Variants in PRKCB observed in about 807,000 individuals in gnomAD.
PRKCB encodes the protein protein kinase C beta, also known as protein kinase C beta type.
PRKCB carries 13 observed loss-of-function variants against 81.5 expected under a neutral mutation model. That is an observed-to-expected ratio of 0.16 (90% CI 0.10 to 0.25). PRKCB has a LOEUF of 0.25. Ranked by LOEUF, PRKCB falls within the 10% of genes least tolerant of loss-of-function variation. The pLI is 1.00. For missense variants in PRKCB, 509 were observed against 875.7 expected (o/e 0.58, Z 5.29); for synonymous variants, 335 against 321.4 (o/e 1.04, Z -0.45).
intron 8 of PRKCB, among the ~76,000 whole-genome samples, chr16:24,116,574 A>G (rs1966740038): frequency 6.6e-6 from 1 of 152,170 alleles, no homozygotes; most frequent in Non-Finnish European, 1.5e-5. Context: ...CTTATCAGTC[A>G]TTCTCCAGTG....
chr16:24,026,764 T>C (rs1202613914), intron 3 of PRKCB, among the ~76,000 whole-genome samples: 1 of 152,178 alleles, frequency 6.6e-6, no homozygotes, highest in Non-Finnish European at 1.5e-5. Context: ...GGCAATACTA[T>C]AAGACTTGGA....
intron 8 of PRKCB, among the ~76,000 whole-genome samples, chr16:24,123,029 A>C (rs1220319847): frequency 6.6e-6 from 1 of 152,234 alleles, no homozygotes; most frequent in Non-Finnish European, 1.5e-5. Flanking sequence ...GGAGAATGAG[A>C]AATATTCCGT....
At position 24,019,675 on chromosome 16, in the gene PRKCB, G is replaced by C. The variant is rs118079272; in HGVS notation, c.289-12461G>C. Reference sequence around the variant, plus strand: ...GACACTTCGGGGGCTGAGGCAGGAGGATTGTTTGAACCTGGGAGGTTGAGG... The same window carrying C: ...GACACTTCGGGGGCTGAGGCAGGAGCATTGTTTGAACCTGGGAGGTTGAGG... On this transcript the variant is annotated intron_variant, in intron 3 of 16. Transcript: ENST00000643927. 5.7e-3 allele frequency among the ~76,000 whole-genome samples: 871 copies of C among 152,006 alleles called. 2 individuals are homozygous for C. Among genetic ancestry groups the C allele is most frequent in the Non-Finnish European group, 8.5e-3 (580 of 67,984 alleles).
intron 10 of PRKCB, 48 bp from the exon 11 acceptor site, chr16:24,172,222 C>A (rs776209627): frequency 1.1e-5 from 15 of 1,424,486 alleles, no homozygotes; most frequent in Non-Finnish European, 1.5e-5. Flanking sequence ...CATTTGGAGC[C>A]CCAGAAGCTA....
chr16:24,017,527 C>T (rs1184667973), intron 3 of PRKCB, among the ~76,000 whole-genome samples: 1 of 152,082 alleles, frequency 6.6e-6, no homozygotes, highest in African/African-American at 2.4e-5. Context: ...CAGACACGCA[C>T]ATGCGTTATA....
chr16:24,172,202 C>T (rs1402140786), intron 10 of PRKCB, 68 bp from the exon 11 acceptor site: 3 of 1,140,626 alleles, frequency 2.6e-6, no homozygotes, highest in Non-Finnish European at 1.3e-6. Context: ...CCAGCTCTTC[C>T]CCCACTGTCC....
intron 5 of PRKCB, among the ~76,000 whole-genome samples, chr16:24,086,201 G>T (rs1966308527): frequency 6.6e-6 from 1 of 152,124 alleles, no homozygotes; most frequent in African/African-American, 2.4e-5. Flanking sequence ...AAGTAAACAG[G>T]AATCGATGGG....
rs1190910330 is a variant in PRKCB, at chr16:23,983,090, G to A, written c.206-5418G>A. ...AGGGTCTAGTACATTTTTTTCAGTA[G>A]CTCAGTAAATGTTGCCTCTTCTTAA... On this transcript the variant is annotated intron_variant, in intron 2 of 16. Coordinates refer to ENST00000643927, the MANE Select transcript of PRKCB (RefSeq NM_002738.7). Among the ~76,000 whole-genome samples the A allele has an allele frequency of 2.0e-5, 3 of 149,684 alleles. No individual in the cohort carries two copies. In the East Asian group the frequency reaches 5.8e-4, roughly 29 times the overall value.
chr16:23,882,021 T>TCTTTCTCTTTCTTTCTTTCTTCCTTC lies in PRKCB; in HGVS notation c.205+44618_205+44619insTCTCTTTCTTTCTTTCTTCCTTCCTT. 2.7e-4 allele frequency among the ~76,000 whole-genome samples: 15 copies of TCTTTCTCTTTCTTTCTTTCTTCCTTC among 55,628 alleles called. 2 individuals are homozygous for TCTTTCTCTTTCTTTCTTTCTTCCTTC. Among genetic ancestry groups the TCTTTCTCTTTCTTTCTTTCTTCCTTC allele is most frequent in the African/African-American group, 6.5e-4 (11 of 16,904 alleles). The allele number at this position is 55,628 out of a possible 152,430, so 36.5% of individuals were successfully genotyped here. A position where few individuals can be genotyped will look rare whatever the true frequency, so the allele number is the denominator to read the frequency against. On this transcript the variant is annotated intron_variant, in intron 2 of 16. Coordinates refer to ENST00000643927, the MANE Select transcript of PRKCB (RefSeq NM_002738.7). ...TTCTTTCTTTCTTTCTTTCTTTCTT[T>TCTTTCTCTTTCTTTCTTTCTTCCTTC]CTTCCTTCCTTCCTTCCTTCCTTCC... is the stretch of plus-strand genomic sequence containing the variant.
At chr16:24,190,952 T>A (rs1163754329) in intron 15 of PRKCB, 138 bp from the exon 16 acceptor site, 1 of 1,101,434 alleles carries the variant, frequency 9.1e-7, no homozygotes, top group African/African-American at 1.6e-5. Context: ...TTTGCTGGGA[T>A]AAAAAGCAAA....
chr16:23,933,057 G>T (rs1284849964), intron 2 of PRKCB, among the ~76,000 whole-genome samples: 1 of 120,414 alleles, frequency 8.3e-6, no homozygotes, highest in Non-Finnish European at 1.9e-5. Context: ...ATCCAATGGC[G>T]ATTCCTTCTT....
At chr16:24,040,431 T>C (rs970218667) in intron 5 of PRKCB, among the ~76,000 whole-genome samples, 9 of 152,208 alleles carry the variant, frequency 5.9e-5, no homozygotes, top group South Asian at 4.1e-4. Context: ...ATTTTTACCA[T>C]CTAATAAGCT....
At chr16:23,882,354 G>A (rs532169589) in intron 2 of PRKCB, among the ~76,000 whole-genome samples, 88 of 152,208 alleles carry the variant, frequency 5.8e-4, no homozygotes, top group African/African-American at 2.1e-3. Context: ...GAGTAGCTGG[G>A]ATTACAGGTG....
intron 2 of PRKCB, among the ~76,000 whole-genome samples, chr16:23,987,425 G>A (rs563296739): frequency 2.0e-5 from 3 of 151,294 alleles, no homozygotes; most frequent in African/African-American, 7.3e-5. Context: ...TTTGCTGATC[G>A]CATCCCTGTG....
chr16:24,207,924 A>T (rs1968071942), intron 16 of PRKCB, among the ~76,000 whole-genome samples: 1 of 152,190 alleles, frequency 6.6e-6, no homozygotes, highest in Admixed American at 6.5e-5. Flanking sequence ...GGAACTGGAA[A>T]TACTTCAGTA....
At chr16:24,147,306 C>CAAAAAAA (rs34855077) in intron 9 of PRKCB, among the ~76,000 whole-genome samples, 4 of 114,902 alleles carry the variant, frequency 3.5e-5, no homozygotes, top group Non-Finnish European at 5.4e-5. Flanking sequence ...GACTCTGTCT[C>CAAAAAAA]AAAAAAAAAA....
chr16:24,104,724 G>A (rs1404929411), intron 7 of PRKCB, among the ~76,000 whole-genome samples: 1 of 152,174 alleles, frequency 6.6e-6, no homozygotes, highest in Non-Finnish European at 1.5e-5. Flanking sequence ...CAAGCTCAAA[G>A]GCCCTGGGGC....
At chr16:23,972,954 T>G (rs1964578223) in intron 2 of PRKCB, among the ~76,000 whole-genome samples, 1 of 152,216 alleles carries the variant, frequency 6.6e-6, no homozygotes, top group African/African-American at 2.4e-5. Context: ...TAGTGCCTAT[T>G]ATGGTGTTAA....
At position 24,041,063 on chromosome 16, in the gene PRKCB, TG is replaced by T. The variant is rs1284919881; in HGVS notation, c.529+5517del. Among the ~76,000 whole-genome samples, 98 of 91,530 alleles carry T rather than the reference TG, an allele frequency of 1.1e-3. 4 individuals are homozygous for T. Among genetic ancestry groups the T allele is most frequent in the Admixed American group, 4.1e-3 (28 of 6,902 alleles). The allele number at this position is 91,530 out of a possible 152,430, so 60.0% of individuals were successfully genotyped here. A position where few individuals can be genotyped will look rare whatever the true frequency, so the allele number is the denominator to read the frequency against. ...ATACATGCAACAATAATTTTTTTTG[TG>T]TGTGTGTGACAGAGTCTTGCTGTCA... On this transcript the variant is annotated intron_variant, in intron 5 of 16. Coordinates refer to ENST00000643927, the MANE Select transcript of PRKCB (RefSeq NM_002738.7).
Sources: gnomAD v4.1 joint callset for allele counts (sites outside exome capture counted in the v4.1 genomes callset) on GRCh38, gnomAD v4.1.1 for gene constraint, MANE v1.5 for transcripts, NCBI Gene and HGNC (gene_info 2026-07-23, HGNC 2026-07-21) for gene names.